The following TNFAIP8 variants were observed in gnomAD, a reference collection of about 807,000 sequenced individuals.
TNFAIP8 encodes the protein tumor necrosis factor alpha-induced protein 8.
A neutral mutation model predicts 13.3 loss-of-function variants in TNFAIP8; 7 were observed. The ratio of observed to expected loss-of-function variants is 0.52; its 90% confidence interval spans 0.30 to 0.99. The LOEUF (loss-of-function observed/expected upper bound fraction) is 0.99, where lower values mean the gene tolerates loss of function less well. Among genes scored for constraint, TNFAIP8 ranks in the 50% least tolerant of loss-of-function variants. The probability of loss-of-function intolerance (pLI) is 0.07; values close to 1 mark genes in which losing one functional copy is unlikely to be tolerated. For missense variants in TNFAIP8, 258 were observed against 236.9 expected (o/e 1.09, Z -0.58); for synonymous variants, 94 against 87.6 (o/e 1.07, Z -0.41).
intron 1 of TNFAIP8, among the ~76,000 whole-genome samples, chr5:119,276,702 T>C (rs921999100): frequency 2.0e-5 from 3 of 152,136 alleles, no homozygotes; most frequent in African/African-American, 7.2e-5. Flanking sequence ...CTTCATAGAG[T>C]GCCAGTCATA....
At chr5:119,291,411 G>C (rs1405961535) in intron 1 of TNFAIP8, among the ~76,000 whole-genome samples, 1 of 152,220 alleles carries the variant, frequency 6.6e-6, no homozygotes, top group Non-Finnish European at 1.5e-5. Context: ...AATTGCAGTG[G>C]ATTCGATTTA....
chr5:119,386,550 G>A (rs896937319), intron 1 of TNFAIP8, among the ~76,000 whole-genome samples: 1 of 150,838 alleles, frequency 6.6e-6, no homozygotes, highest in Non-Finnish European at 1.5e-5. Context: ...TTGCGGGGGA[G>A]GAGTATTTCA....
intron 1 of TNFAIP8, among the ~76,000 whole-genome samples, chr5:119,299,956 G>A (rs1250474679): frequency 2.0e-5 from 3 of 152,320 alleles, no homozygotes; most frequent in Non-Finnish European, 2.9e-5. Flanking sequence ...TTTTAGGCCC[G>A]TCGGAAAAGC....
intron 1 of TNFAIP8, among the ~76,000 whole-genome samples, chr5:119,290,631 A>G (rs577929915): frequency 1.3e-5 from 2 of 152,336 alleles, no homozygotes; most frequent in African/African-American, 4.8e-5. Flanking sequence ...GGGATTACAC[A>G]AAAGAATGAA....
intron 1 of TNFAIP8, among the ~76,000 whole-genome samples, chr5:119,328,577 A>C (rs897503243): frequency 1.3e-5 from 2 of 152,212 alleles, no homozygotes; most frequent in African/African-American, 4.8e-5. Flanking sequence ...TGAGTAAGTG[A>C]CCACCCAAAC....
At chr5:119,314,202 CAAAA>C (rs558403873) in intron 1 of TNFAIP8, among the ~76,000 whole-genome samples, 2,516 of 126,936 alleles carry the variant, frequency 0.02, 19 homozygotes, top group Middle Eastern at 0.086. Context: ...AACAAACAAA[CAAAA>C]AAACCATGTC....
chr5:119,355,904 C>T (rs75568601), upstream of TNFAIP8: 142,057 of 1,294,720 alleles, frequency 0.11, 8,825 homozygotes, highest in Non-Finnish European at 0.13. Flanking sequence ...ATTCGTCACT[C>T]TTGCAGAACT....
chr5:119,371,758 G>A (rs566743992), intron 1 of TNFAIP8, among the ~76,000 whole-genome samples: 1 of 152,178 alleles, frequency 6.6e-6, no homozygotes, highest in South Asian at 2.1e-4. Flanking sequence ...AGGCGTGGTG[G>A]CTCATGCCTG....
At chr5:119,281,992 A>G (rs192768948) in intron 1 of TNFAIP8, among the ~76,000 whole-genome samples, 22 of 152,296 alleles carry the variant, frequency 1.4e-4, no homozygotes, top group Admixed American at 9.2e-4. Flanking sequence ...GACGTAAACT[A>G]TTGTTGTCCG....
At chr5:119,290,649 A>G (rs1269192752) in intron 1 of TNFAIP8, among the ~76,000 whole-genome samples, 1 of 152,178 alleles carries the variant, frequency 6.6e-6, no homozygotes, top group Non-Finnish European at 1.5e-5. Context: ...GAATATCAGG[A>G]GGTGGGAATC....
At chr5:119,328,702 T>G (rs1750292827) in intron 1 of TNFAIP8, among the ~76,000 whole-genome samples, 2 of 152,202 alleles carry the variant, frequency 1.3e-5, no homozygotes, top group Admixed American at 1.3e-4. Flanking sequence ...AAATTTAACT[T>G]GGGAAATATC....
At chr5:119,322,004 C>T (rs927663342) in intron 1 of TNFAIP8, among the ~76,000 whole-genome samples, 4 of 152,172 alleles carry the variant, frequency 2.6e-5, no homozygotes, top group Non-Finnish European at 5.9e-5. Context: ...GCTCTTTCCT[C>T]CTACTTCAGA....
intron 1 of TNFAIP8, among the ~76,000 whole-genome samples, chr5:119,371,361 A>C (rs903267479): frequency 3.9e-5 from 6 of 152,310 alleles, no homozygotes; most frequent in African/African-American, 1.4e-4. Context: ...TTCTTGTCCA[A>C]CAGTAGCGTC....
intron 1 of TNFAIP8, among the ~76,000 whole-genome samples, chr5:119,292,321 A>C (rs1256756159): frequency 1.8e-5 from 1 of 56,422 alleles, no homozygotes; most frequent in African/African-American, 3.5e-5. Flanking sequence ...GAAAAGAAGA[A>C]AAAAAGAAGA....
intron 1 of TNFAIP8, among the ~76,000 whole-genome samples, chr5:119,297,859 A>C (rs1239878678): frequency 5.3e-5 from 8 of 152,194 alleles, no homozygotes; most frequent in Non-Finnish European, 1.2e-4. Context: ...ACCATTGTGT[A>C]ATGGCCTTCT....
At chr5:119,274,198 T>C (rs1329157950) in intron 1 of TNFAIP8, among the ~76,000 whole-genome samples, 1 of 152,018 alleles carries the variant, frequency 6.6e-6, no homozygotes, top group Non-Finnish European at 1.5e-5. Context: ...CGAAAAAAAA[T>C]GCCAGTCTTC....
At position 119,276,061 on chromosome 5, in the gene TNFAIP8, C is replaced by T. The variant is rs113478293; in HGVS notation, c.1+7154C>T. ...CAGAGGATTAACCACCCAAGCCCAACAAGCATATCCACACTGAATTTTACG... is the reference window on the plus strand; with the variant it reads ...CAGAGGATTAACCACCCAAGCCCAATAAGCATATCCACACTGAATTTTACG... On this transcript the variant is annotated intron_variant, in intron 1 of 1. Transcript: ENST00000274456. 3.6e-3 allele frequency among the ~76,000 whole-genome samples: 542 copies of T among 151,808 alleles called. 3 individuals carry two copies. Among genetic ancestry groups the T allele is most frequent in the African/African-American group, 0.012 (513 of 41,404 alleles).
intron 1 of TNFAIP8, among the ~76,000 whole-genome samples, chr5:119,384,140 C>A (rs4895190): frequency 6.6e-6 from 1 of 152,180 alleles, no homozygotes; most frequent in Non-Finnish European, 1.5e-5. Flanking sequence ...CACCTCATTT[C>A]TAAAATGAGT....
chr5:119,300,100 C>T lies in TNFAIP8; in HGVS notation c.1+31193C>T, dbSNP rs151233270. ...GCCTTGCCCTGCTTCGGCTCGCGCA[C>T]GGTGCGCTGCACCCACTGTCCTGTG... On this transcript the variant is annotated intron_variant, in intron 1 of 1. Coordinates refer to the TNFAIP8 transcript ENST00000274456. 5.2e-3 allele frequency among the ~76,000 whole-genome samples: 794 copies of T among 152,350 alleles called. 9 individuals are homozygous for T. The highest frequency in any genetic ancestry group is 0.018 in the African/African-American group (759 of 41,584).
Sources: gnomAD v4.1 joint callset for allele counts (sites outside exome capture counted in the v4.1 genomes callset) on GRCh38, gnomAD v4.1.1 for gene constraint, MANE v1.5 for transcripts, NCBI Gene and HGNC (gene_info 2026-07-23, HGNC 2026-07-21) for gene names.